The following CAMKMT variants were observed in gnomAD, a reference collection of about 807,000 sequenced individuals.
The protein encoded by CAMKMT is CaM KMT.
In CAMKMT, 53 loss-of-function variants were observed where a neutral mutation model predicts 48.0. The ratio of observed to expected loss-of-function variants is 1.10; its 90% CI spans 0.89 to 1.39. The LOEUF (loss-of-function observed/expected upper bound fraction) is 1.39, where lower values mean the gene tolerates loss of function less well. CAMKMT is among the 40% of genes most tolerant of loss of function. CAMKMT has a pLI of 0.00. For missense variants in CAMKMT, 428 were observed against 402.7 expected (o/e 1.06, Z -0.54); for synonymous variants, 165 against 152.3 (o/e 1.08, Z -0.61).
chr2:44,573,072 A>G (rs927596763), intron 3 of CAMKMT, among the ~76,000 whole-genome samples: 1 of 151,990 alleles, frequency 6.6e-6, no homozygotes, highest in African/African-American at 2.4e-5. Context: ...ATGTGCTGCT[A>G]TTAGTAAAAG....
intron 3 of CAMKMT, among the ~76,000 whole-genome samples, chr2:44,593,457 A>T (rs1408636865): frequency 6.6e-6 from 1 of 152,008 alleles, no homozygotes; most frequent in Admixed American, 6.5e-5. Flanking sequence ...CTCTAGCCAC[A>T]TTGTTTTTTC....
intron 3 of CAMKMT, among the ~76,000 whole-genome samples, chr2:44,599,303 A>G (rs1452034670): frequency 2.0e-5 from 3 of 152,136 alleles, no homozygotes; most frequent in East Asian, 1.9e-4. Context: ...TCAAAACTAG[A>G]TTATATCTGT....
At chr2:44,548,697 G>T (rs1021190824) in intron 3 of CAMKMT, among the ~76,000 whole-genome samples, 12 of 152,194 alleles carry the variant, frequency 7.9e-5, no homozygotes, top group Non-Finnish European at 1.2e-4. Context: ...GGATTTGCTG[G>T]CTTGAAGATG....
chr2:44,461,833 G>A (rs967388955), intron 3 of CAMKMT, among the ~76,000 whole-genome samples: 2 of 152,054 alleles, frequency 1.3e-5, no homozygotes, highest in Non-Finnish European at 2.9e-5. Flanking sequence ...CTATGGATGG[G>A]GTAAGGGTAG....
chr2:44,602,323 A>T (rs953595354), intron 3 of CAMKMT, among the ~76,000 whole-genome samples: 2 of 152,138 alleles, frequency 1.3e-5, no homozygotes, highest in Admixed American at 1.3e-4. Flanking sequence ...GATAATAAAC[A>T]TTCCTCCACC....
intron 3 of CAMKMT, 82 bp downstream of exon 3, chr2:44,390,387 A>G: frequency 1.0e-6 from 1 of 1,001,618 alleles, no homozygotes. Flanking sequence ...TCTCACTAAT[A>G]TTTATTATAC....
At chr2:44,717,841 T>TC (rs1678250341) in intron 7 of CAMKMT, among the ~76,000 whole-genome samples, 5 of 148,066 alleles carry the variant, frequency 3.4e-5, no homozygotes, top group Admixed American at 6.7e-5. Flanking sequence ...GAAATGGTAT[T>TC]TAAAAAAAAA....
Position 44,673,530 on chromosome 2 carries a change from G to A in CAMKMT, c.377-30753G>A, listed in dbSNP as rs994218230. Among the ~76,000 whole-genome samples, 15 of 143,664 alleles carry A rather than the reference G, an allele frequency of 1.0e-4. No individual in the cohort carries two copies. The East Asian group carries it at 1.2e-3, about 12-fold the overall frequency. 94.2% of individuals were successfully genotyped at this position (143,664 alleles called of 152,430 possible). A position where few individuals can be genotyped will look rare whatever the true frequency, so the allele number is the denominator to read the frequency against. ...GGAAGGAAGGAAGGAAGGAGGGAAG[G>A]AAGAAATCTATACACCCAAAAACCT... On this transcript the variant is annotated intron_variant, in intron 3 of 10. Coordinates refer to ENST00000378494, the MANE Select transcript of CAMKMT (RefSeq NM_024766.5).
intron 3 of CAMKMT, among the ~76,000 whole-genome samples, chr2:44,622,523 T>C (rs963622335): frequency 6.6e-6 from 1 of 152,152 alleles, no homozygotes; most frequent in African/African-American, 2.4e-5. Context: ...TATTCCCCAA[T>C]GTCTGTTCCC....
intron 3 of CAMKMT, among the ~76,000 whole-genome samples, chr2:44,432,531 T>G (rs1684712641): frequency 6.6e-6 from 1 of 152,224 alleles, no homozygotes; most frequent in Non-Finnish European, 1.5e-5. Context: ...AGAGTGATTA[T>G]GTCAAATGGG....
chr2:44,743,313 T>TAAGGG (rs1460737653), intron 7 of CAMKMT, among the ~76,000 whole-genome samples: 1 of 152,202 alleles, frequency 6.6e-6, no homozygotes, highest in Admixed American at 6.5e-5. Context: ...TTATTGATGT[T>TAAGGG]AAGGGTCTAG....
rs186638828 is a variant in CAMKMT, at chr2:44,488,921, A to C, written c.376+98616A>C. On this transcript the variant is annotated intron_variant, in intron 3 of 10. Transcript: ENST00000378494. ...CTTTCCATTGCCCAGACTGGAGTACAGTGGCACAGTCATAGCTCACTGCAG... is the reference window on the plus strand; with the variant it reads ...CTTTCCATTGCCCAGACTGGAGTACCGTGGCACAGTCATAGCTCACTGCAG... 8.4e-3 allele frequency among the ~76,000 whole-genome samples: 1,267 copies of C among 151,594 alleles called. 49 individuals carry two copies. Among genetic ancestry groups the C allele is most frequent in the Admixed American group, 0.074 (1,127 of 15,204 alleles).
intron 1 of CAMKMT, among the ~76,000 whole-genome samples, chr2:44,370,467 C>G (rs1012850226): frequency 6.6e-6 from 1 of 151,778 alleles, no homozygotes; most frequent in Non-Finnish European, 1.5e-5. Flanking sequence ...CATAAATATC[C>G]CTTTATTATT....
chr2:44,578,391 A>G (rs1669354762), intron 3 of CAMKMT, among the ~76,000 whole-genome samples: 1 of 152,198 alleles, frequency 6.6e-6, no homozygotes, highest in African/African-American at 2.4e-5. Context: ...CTGTCACATA[A>G]TTATGCTGCT....
chr2:44,439,861 A>T (rs893410746), intron 3 of CAMKMT, among the ~76,000 whole-genome samples: 1 of 152,120 alleles, frequency 6.6e-6, no homozygotes, highest in South Asian at 2.1e-4. Context: ...ACTTACATCC[A>T]TCTGAAAACG....
chr2:44,511,729 C>T (rs903998135), intron 3 of CAMKMT, among the ~76,000 whole-genome samples: 6 of 152,212 alleles, frequency 3.9e-5, no homozygotes, highest in Admixed American at 3.3e-4. Flanking sequence ...CCATCTGGGG[C>T]TCTTGCTCCC....
Position 44,685,212 on chromosome 2 carries a change from T to C in CAMKMT, c.377-19071T>C, listed in dbSNP as rs117314808. The stretch of plus-strand genomic sequence containing the variant: ...TTATCAAAGTATGATTGATTTTTGC[T>C]TTTTAAAAGAAAGGTTTGCTCTTAT... On this transcript the variant is annotated intron_variant, in intron 3 of 10. Transcript: ENST00000378494. Among the ~76,000 whole-genome samples, 61 of 152,322 alleles carry C rather than the reference T, an allele frequency of 4.0e-4. No homozygotes were observed. The East Asian group carries it at 0.012, about 29-fold the overall frequency.
intron 3 of CAMKMT, among the ~76,000 whole-genome samples, chr2:44,493,577 T>C (rs912352622): frequency 6.6e-6 from 1 of 152,242 alleles, no homozygotes; most frequent in African/African-American, 2.4e-5. Flanking sequence ...TCATGAGATG[T>C]GTTTTTCCCA....
At chr2:44,372,600 A>C (rs116014371) in intron 1 of CAMKMT, 116 bp from the exon 2 acceptor site, 17,330 of 768,798 alleles carry the variant, frequency 0.023, 251 homozygotes, top group Admixed American at 0.03. Flanking sequence ...TGAATTATCT[A>C]ATCTGTCATT....
Sources: allele counts gnomAD v4.1 joint callset (sites outside exome capture counted in the v4.1 genomes callset), GRCh38; gene constraint gnomAD v4.1.1; transcripts MANE v1.5; gene names NCBI Gene and HGNC (gene_info 2026-07-23, HGNC 2026-07-21).